The following MRAP variants were observed in gnomAD, a reference collection of about 807,000 sequenced individuals.
MRAP encodes melanocortin-2 receptor accessory protein.
A neutral mutation model predicts 8.7 loss-of-function variants in MRAP; 8 were observed. The observed-to-expected ratio is 0.92, with a 90% CI of 0.54 to 1.66. The LOEUF (loss-of-function observed/expected upper bound fraction) is 1.66. Ranked by LOEUF, MRAP falls within the 40% of genes most tolerant of loss-of-function variation. MRAP has a pLI of 0.00. For missense variants in MRAP, 237 were observed against 217.1 expected, an observed-to-expected ratio of 1.09 and a Z score of -0.58; for synonymous variants, 95 against 95.5, an observed-to-expected ratio of 1.00 and a Z score of 0.03.
At chr21:32,308,291 C>T (rs185880193) in intron 2 of MRAP, among the ~76,000 whole-genome samples, 6 of 152,032 alleles carry the variant, frequency 3.9e-5, no homozygotes, top group East Asian at 1.9e-4. Context: ...GCAGGAGAAT[C>T]GCTTGAACGC....
chr21:32,294,423 C>A (rs2032103934), upstream of MRAP, among the ~76,000 whole-genome samples: 1 of 152,042 alleles, frequency 6.6e-6, no homozygotes. Context: ...ACAGGTGTCT[C>A]CTGATTTTAA....
chr21:32,313,608 T>A (rs1039833804), downstream of MRAP: 1 of 152,204 alleles, frequency 6.6e-6, no homozygotes, highest in Admixed American at 6.5e-5. Flanking sequence ...AAACTTTAAG[T>A]CACCTAAAAC....
intron 1 of MRAP, among the ~76,000 whole-genome samples, chr21:32,300,003 G>A (rs1175294607): frequency 4.6e-5 from 7 of 152,184 alleles, no homozygotes; most frequent in Admixed American, 1.3e-4. Context: ...CAAAGCCTGG[G>A]AAGATTGGGT....
chr21:32,291,916 AG>A (rs2032056441), intron 1 of MRAP: 1 of 152,170 alleles, frequency 6.6e-6, no homozygotes. Flanking sequence ...TTAAAAAAAA[AG>A]GTTTATTAGA....
At chr21:32,300,741 AGTGTGTCGTG>A (rs1438266237) in intron 1 of MRAP, among the ~76,000 whole-genome samples, 176 of 57,916 alleles carry the variant, frequency 3.0e-3, no homozygotes, top group Non-Finnish European at 3.7e-3. Context: ...GTCCTATGTC[AGTGTGTCGTG>A]CGTCCTATGT....
intron 2 of MRAP, among the ~76,000 whole-genome samples, chr21:32,308,147 C>T (rs1338242902): frequency 2.0e-5 from 3 of 152,062 alleles, no homozygotes; most frequent in Admixed American, 1.3e-4. Flanking sequence ...CCAAGGTGGG[C>T]GGATCACCTG....
chr21:32,302,113 A>G (rs2833757), intron 1 of MRAP, among the ~76,000 whole-genome samples: 87,164 of 152,152 alleles, frequency 0.57, 29,600 homozygotes, highest in Non-Finnish European at 0.75. Context: ...AACTTCTTGA[A>G]CTGATGTTGT....
At chr21:32,304,973 T>TG (rs1193209734) in intron 1 of MRAP, among the ~76,000 whole-genome samples, 3 of 67,650 alleles carry the variant, frequency 4.4e-5, no homozygotes, top group East Asian at 7.3e-4. Context: ...TTGTTTTTTT[T>TG]TTTTTTTTTT....
downstream of MRAP, chr21:32,314,628 C>A (rs577588684): frequency 1.9e-5 from 31 of 1,614,224 alleles, no homozygotes; most frequent in South Asian, 3.2e-4. Flanking sequence ...GAGCTCCAAG[C>A]CCCTAGAGAG....
chr21:32,299,692 G>A (rs979428399), intron 1 of MRAP, among the ~76,000 whole-genome samples: 5 of 152,264 alleles, frequency 3.3e-5, no homozygotes, highest in South Asian at 2.1e-4. Flanking sequence ...TAAGCTGAGC[G>A]AGTTTCCTCA....
intron 1 of MRAP, among the ~76,000 whole-genome samples, chr21:32,300,867 C>T (rs533370421): frequency 1.3e-5 from 2 of 151,072 alleles, no homozygotes; most frequent in Non-Finnish European, 3.0e-5. Flanking sequence ...GGGCGTCATG[C>T]GTCCTATGTC....
chr21:32,300,597 C>T (rs1448337391), intron 1 of MRAP, among the ~76,000 whole-genome samples: 3 of 141,538 alleles, frequency 2.1e-5, no homozygotes, highest in Non-Finnish European at 4.6e-5. Flanking sequence ...GTCACACGTC[C>T]TATGTCGGAT....
downstream of MRAP, chr21:32,313,939 GAAAACACAAAAACCTTACAA>G (rs1422423871): frequency 6.5e-6 from 1 of 152,854 alleles, no homozygotes; most frequent in Non-Finnish European, 1.5e-5. Flanking sequence ...ACAATGAAAG[GAAAACACAAAAACCTTACAA>G]AAATAGACAT....
At chr21:32,293,885 T>G (rs2032094138), upstream of MRAP, among the ~76,000 whole-genome samples, 1 of 152,174 alleles carries the variant, frequency 6.6e-6, no homozygotes, top group Non-Finnish European at 1.5e-5. Flanking sequence ...GTTTTTCTAC[T>G]AGGGGACTTG....
Position 32,302,698 on chromosome 21 carries a change from C to A in MRAP, c.106+3621C>A, listed in dbSNP as rs2032318935. ...GCAAGCCATGCTCTGACCATCACAT[C>A]CGTGTTCACGGAGCAACATGGAGTA... On this transcript the variant is annotated intron_variant, in intron 1 of 2. Transcript: ENST00000303645. Among the ~76,000 whole-genome samples the A allele has an allele frequency of 2.0e-5, 3 of 152,324 alleles. 1 individual carries two copies.
At position 32,300,768 on chromosome 21, in the gene MRAP, C is replaced by T. The variant is rs575242887; in HGVS notation, c.106+1691C>T. On this transcript the variant is annotated intron_variant, in intron 1 of 2. Transcript: ENST00000303645. Reference sequence around the variant, plus strand: ...TGTGTCGTGCGTCCTATGTCAGGGGCGTCATGCCTCCTATGTCGGATGTGT... The same window carrying T: ...TGTGTCGTGCGTCCTATGTCAGGGGTGTCATGCCTCCTATGTCGGATGTGT... Among the ~76,000 whole-genome samples, 11 of 138,770 alleles carry T rather than the reference C, an allele frequency of 7.9e-5. No homozygotes were observed. In the South Asian group the frequency reaches 1.2e-3, roughly 15 times the overall value. 91.0% of individuals were successfully genotyped at this position (138,770 alleles called of 152,430 possible).
chr21:32,295,742 G>A (rs546900267), upstream of MRAP, among the ~76,000 whole-genome samples: 14 of 152,262 alleles, frequency 9.2e-5, no homozygotes, highest in East Asian at 9.7e-4. Flanking sequence ...TTGAGAGGCC[G>A]AGGCAGGCGG....
intron 1 of MRAP, among the ~76,000 whole-genome samples, chr21:32,303,265 G>A (rs533119898): frequency 6.6e-6 from 1 of 152,230 alleles, no homozygotes; most frequent in Non-Finnish European, 1.5e-5. Context: ...ATTACAGGCT[G>A]AGGCACCATG....
intron 1 of MRAP, among the ~76,000 whole-genome samples, chr21:32,301,241 C>T (rs186351055): frequency 1.3e-3 from 191 of 152,204 alleles, no homozygotes; most frequent in African/African-American, 4.4e-3. Context: ...GGATTACAGG[C>T]GTGAGCCACC....
Sources: allele counts gnomAD v4.1 joint callset (sites outside exome capture counted in the v4.1 genomes callset), GRCh38; gene constraint gnomAD v4.1.1; transcripts MANE v1.5; gene names NCBI Gene and HGNC (gene_info 2026-07-23, HGNC 2026-07-21).